PTPRS: variants seen among roughly 807,000 people sequenced by gnomAD.
PTPRS encodes the protein protein tyrosine phosphatase receptor type S, also known as receptor-type tyrosine-protein phosphatase S.
In PTPRS, 63 loss-of-function variants were observed where a neutral mutation model predicts 215.3. That is an observed-to-expected ratio of 0.29 (90% CI 0.24 to 0.36). The LOEUF (loss-of-function observed/expected upper bound fraction) is 0.36, where lower values mean the gene tolerates loss of function less well. PTPRS is among the 10% of genes least tolerant of loss of function. The pLI is 1.00. For missense variants in PTPRS, 2,258 were observed against 2,825.8 expected, an observed-to-expected ratio of 0.80 and a Z score of 4.56; for synonymous variants, 1,404 against 1,191.4, an observed-to-expected ratio of 1.18 and a Z score of -3.68.
intron 12 of PTPRS, among the ~76,000 whole-genome samples, chr19:5,239,694 T>C (rs187395611): frequency 9.6e-5 from 12 of 124,966 alleles, no homozygotes; most frequent in South Asian, 2.6e-4. Context: ...GAAATAGAGA[T>C]AGAGACAGAA....
intron 4 of PTPRS, among the ~76,000 whole-genome samples, chr19:5,268,624 G>T (rs1322593816): frequency 6.6e-6 from 1 of 152,130 alleles, no homozygotes; most frequent in African/African-American, 2.4e-5. Flanking sequence ...GGCAGTTCCA[G>T]CTCGGGGGTC....
In PTPRS at chr19:5,231,604, G is replaced by T; in HGVS notation, c.1861C>A (p.Pro621Thr). 7.0e-7 allele frequency: 1 copy of T among 1,423,654 alleles called. No individual in the cohort carries two copies. 88.2% of individuals were successfully genotyped at this position (1,423,654 alleles called of 1,614,324 possible). A position where few individuals can be genotyped will look rare whatever the true frequency, so the allele number is the denominator to read the frequency against. ...CTGACACATTTAACGTCTTGAGGGG[G>T]GGCTGACGGTTCTATTGGAGGGGGG... ...QRTLQSKPSA[P>T]PQDVKCVSVR... The change falls in exon 14 of 38, where the codon CCC (proline) becomes ACC (threonine). Residue 621 changes from proline to threonine, a missense_variant. Around this residue, in one of 6 missense-constraint regions of PTPRS, gnomAD observed 371 missense variants for 446.7 expected, o/e 0.83. Coordinates refer to ENST00000262963, the MANE Select transcript of PTPRS (RefSeq NM_002850.4).
intron 1 of PTPRS, among the ~76,000 whole-genome samples, chr19:5,305,535 T>C (rs532224354): frequency 7.4e-6 from 1 of 134,702 alleles, no homozygotes. Flanking sequence ...TGACAGAGAA[T>C]GAGACCCTAT....
intron 2 of PTPRS, among the ~76,000 whole-genome samples, chr19:5,277,452 G>A (rs1192341587): frequency 6.6e-6 from 1 of 151,936 alleles, no homozygotes; most frequent in African/African-American, 2.4e-5. Flanking sequence ...TCAGGAGATC[G>A]AGACCATCCT....
Position 5,291,214 on chromosome 19 carries a change from C to T in PTPRS, c.-94-4980G>A, listed in dbSNP as rs558809904. Reference sequence around the variant, plus strand: ...GGGCAGACAGGGAACCAGGCCCAGCCCTGGAGAGGGAAATCATTAAAGTCC... The same window carrying T: ...GGGCAGACAGGGAACCAGGCCCAGCTCTGGAGAGGGAAATCATTAAAGTCC... On this transcript the variant is annotated intron_variant, in intron 1 of 37. Transcript: ENST00000262963. 9.2e-5 allele frequency among the ~76,000 whole-genome samples: 14 copies of T among 152,270 alleles called. No homozygotes were observed. The South Asian group carries it at 2.7e-3, about 29-fold the overall frequency.
At chr19:5,283,069 C>T (rs906183946) in intron 2 of PTPRS, among the ~76,000 whole-genome samples, 13 of 152,334 alleles carry the variant, frequency 8.5e-5, no homozygotes, top group Admixed American at 7.8e-4. Flanking sequence ...CCTCCCGCTC[C>T]GTGGCCTGGC....
At chr19:5,213,642 ATG>A (rs2041140349) in intron 30 of PTPRS, among the ~76,000 whole-genome samples, 2 of 54,146 alleles carry the variant, frequency 3.7e-5, no homozygotes, top group African/African-American at 9.8e-5. Context: ...GATATAACAT[ATG>A]CTTAATGTAT....
At chr19:5,215,841 C>A (rs975390737) in intron 26 of PTPRS, among the ~76,000 whole-genome samples, 11 of 152,148 alleles carry the variant, frequency 7.2e-5, no homozygotes, top group Non-Finnish European at 1.5e-4. Flanking sequence ...GCTGACACCC[C>A]TGGAGGGGCC....
At chr19:5,242,756 G>A (rs576916922) in intron 11 of PTPRS, among the ~76,000 whole-genome samples, 5 of 151,962 alleles carry the variant, frequency 3.3e-5, no homozygotes, top group Non-Finnish European at 7.4e-5. Context: ...GAGTGTAGTG[G>A]TGCTATCATA....
At chr19:5,250,189 G>A (rs1055340345) in intron 9 of PTPRS, among the ~76,000 whole-genome samples, 2 of 152,110 alleles carry the variant, frequency 1.3e-5, no homozygotes, top group African/African-American at 4.8e-5. Context: ...TTTCTCACCC[G>A]CCTCATTTGT....
Position 5,246,028 on chromosome 19 carries a change from G to C in PTPRS, c.736C>G (p.Arg246Gly). 6.6e-7 allele frequency: 1 copy of C among 1,517,206 alleles called. No individual in the cohort carries two copies. The highest frequency in any genetic ancestry group is 8.9e-7 in the Non-Finnish European group (1 of 1,127,486). The allele number at this position is 1,517,206 out of a possible 1,614,324, so 94.0% of individuals were successfully genotyped here. The stretch of plus-strand genomic sequence containing the variant: ...TGGCTCATGGGCAGGATGGAGAAGC[G>C]CGGGGCCACGCGGCGGACTGGGGAG... ...ELREVRRVAP[R>G]FSILPMSHEI... Residue 246 changes from arginine (R) to glycine (G), a missense_variant, in exon 10 of 38, where the codon CGC (arginine) becomes GGC (glycine). This residue lies in a region of PTPRS where 508 missense variants were observed against 799.4 expected (regional missense o/e 0.64). Coordinates refer to ENST00000262963, the MANE Select transcript of PTPRS (RefSeq NM_002850.4).
At chr19:5,209,941 AC>A (rs2040712811) in intron 35 of PTPRS, among the ~76,000 whole-genome samples, 1 of 151,986 alleles carries the variant, frequency 6.6e-6, no homozygotes, top group Non-Finnish European at 1.5e-5. Flanking sequence ...TCCACCACTA[AC>A]TTTGATCCTT....
rs747311069 is a variant in PTPRS at position 5,216,794 on chromosome 19, G to A, written c.4049-27C>T. ...TGCAAACAGCAAACAATAAATAAAT[G>A]AAAACATGCAGGGGGTAGGGGGGGG... On this transcript the variant is annotated intron_variant, in intron 25 of 37. Coordinates refer to ENST00000262963, the MANE Select transcript of PTPRS (RefSeq NM_002850.4). The A allele has an allele frequency of 3.3e-6, 5 of 1,505,864 alleles. No individual in the cohort carries two copies. The South Asian group carries it at 4.8e-5, about 14-fold the overall frequency. 93.3% of individuals were successfully genotyped at this position (1,505,864 alleles called of 1,614,324 possible). A position where few individuals can be genotyped will look rare whatever the true frequency, so the allele number is the denominator to read the frequency against.
chr19:5,270,812 T>A (rs2146521711), intron 4 of PTPRS, among the ~76,000 whole-genome samples: 1 of 152,106 alleles, frequency 6.6e-6, no homozygotes, highest in Middle Eastern at 3.4e-3. Flanking sequence ...GCCTGGCTAA[T>A]TTTTGTATTT....
intron 4 of PTPRS, among the ~76,000 whole-genome samples, chr19:5,269,399 G>A (rs1402682753): frequency 1.3e-5 from 2 of 152,072 alleles, no homozygotes; most frequent in South Asian, 2.1e-4. Flanking sequence ...TGCAGGAGGC[G>A]TGTGTGGGGT....
intron 30 of PTPRS, among the ~76,000 whole-genome samples, chr19:5,213,965 G>A (rs911987209): frequency 1.3e-5 from 2 of 152,234 alleles, no homozygotes; most frequent in Admixed American, 1.3e-4. Flanking sequence ...TTGCAGGGCT[G>A]CCAATATCTG....
At chr19:5,242,330 C>G (rs1237373669) in intron 11 of PTPRS, among the ~76,000 whole-genome samples, 1 of 152,184 alleles carries the variant, frequency 6.6e-6, no homozygotes, top group Non-Finnish European at 1.5e-5. Flanking sequence ...ATGGGCTTGT[C>G]AAATCAGATT....
chr19:5,258,746 A>C (rs1176360236), intron 7 of PTPRS, among the ~76,000 whole-genome samples: 1 of 152,210 alleles, frequency 6.6e-6, no homozygotes, highest in African/African-American at 2.4e-5. Flanking sequence ...TTATACCCTG[A>C]GGCAGCTAAA....
intron 7 of PTPRS, 151 bp from the exon 8 acceptor site, chr19:5,258,278 C>T: frequency 1.6e-6 from 1 of 644,054 alleles, no homozygotes; most frequent in Admixed American, 2.6e-5. Context: ...GAAGCCCTAG[C>T]TTGGCCAGGC....
Sources: gnomAD v4.1 joint callset for allele counts (sites outside exome capture counted in the v4.1 genomes callset) on GRCh38, gnomAD v4.1.1 for gene constraint, gnomAD v4.1.1 regional missense constraint, MANE v1.5 for transcripts, NCBI Gene and HGNC (gene_info 2026-07-23, HGNC 2026-07-21) for gene names.